The following MAMLD1 variants were observed in gnomAD, a reference collection of about 807,000 sequenced individuals.
MAMLD1 encodes the protein mastermind-like domain-containing protein 1.
A neutral mutation model predicts 45.0 loss-of-function variants in MAMLD1; 14 were observed. The observed-to-expected ratio is 0.31, with a 90% CI of 0.21 to 0.49. MAMLD1 has a LOEUF of 0.49. MAMLD1 is among the 20% of genes least tolerant of loss of function. The pLI, the probability that MAMLD1 is intolerant of heterozygous loss-of-function variation, is 0.99. For missense variants in MAMLD1, 543 were observed against 603.6 expected (o/e 0.90, Z 1.05); for synonymous variants, 254 against 247.8 (o/e 1.02, Z -0.24).
At position 150,513,153 on chromosome X, in the gene MAMLD1, C is replaced by G; in HGVS notation, c.*1194C>G. The G allele has an allele frequency of 4.6e-6, 4 of 861,061 alleles. No individual in the cohort carries two copies. The highest frequency in any genetic ancestry group is 6.4e-6 in the Non-Finnish European group (4 of 628,499). 71.0% of individuals were successfully genotyped at this position (861,061 alleles called of 1,213,427 possible). ...TGTCGATCCATACCCGCAGTTGTCT[C>G]CCGTTACAATTTGAGTGGTGTTGTC... On this transcript the variant is annotated 3_prime_UTR_variant, in exon 8 of 8. Coordinates refer to ENST00000370401, the MANE Select transcript of MAMLD1 (RefSeq NM_005491.5).
chrX:150,381,369 TG>T (rs1459332054), intron 1 of MAMLD1, among the ~76,000 whole-genome samples: 1 of 112,485 alleles, frequency 8.9e-6, no homozygotes, highest in East Asian at 2.8e-4. Context: ...CAGTTATACA[TG>T]CACTTATTTG....
chrX:150,475,557 T>C (rs2036558908), intron 5 of MAMLD1, among the ~76,000 whole-genome samples: 1 of 112,320 alleles, frequency 8.9e-6, no homozygotes, highest in South Asian at 3.7e-4. Context: ...ACCATTCATG[T>C]CCACGTAAGG....
chrX:150,500,917 C>T (rs2037532779), intron 5 of MAMLD1, among the ~76,000 whole-genome samples: 2 of 112,032 alleles, frequency 1.8e-5, no homozygotes, highest in Admixed American at 9.4e-5. Context: ...TTTGTGTTAA[C>T]TGGGGATTGC....
intron 1 of MAMLD1, among the ~76,000 whole-genome samples, chrX:150,438,998 C>T (rs1173730657): frequency 8.9e-6 from 1 of 112,145 alleles, no homozygotes; most frequent in Non-Finnish European, 1.9e-5. Context: ...TTCACCTTCT[C>T]ACCAACACTT....
chrX:150,452,534 T>C (rs1306741327), intron 2 of MAMLD1, among the ~76,000 whole-genome samples: 7 of 111,127 alleles, frequency 6.3e-5, no homozygotes, highest in African/African-American at 2.3e-4. Flanking sequence ...TGTTCAACAA[T>C]GTACAAGACT....
chrX:150,396,611 T>G (rs1184496175), intron 1 of MAMLD1, among the ~76,000 whole-genome samples: 3 of 112,128 alleles, frequency 2.7e-5, no homozygotes, highest in African/African-American at 6.5e-5. Flanking sequence ...GAGATCCATC[T>G]TGGTGAATGT....
chrX:150,384,989 C>T lies in MAMLD1; in HGVS notation c.-64+21459C>T, dbSNP rs144806343. Among the ~76,000 whole-genome samples the T allele has an allele frequency of 5.2e-3, 581 of 110,817 alleles. 2 individuals carry two copies. The highest frequency in any genetic ancestry group is 0.018 in the African/African-American group (562 of 30,491). ...CAAGTTTCAAGGGAACAATGCAGTACTACTAACTATAGTCACCATGCTGTA... is the reference window on the plus strand; with the variant it reads ...CAAGTTTCAAGGGAACAATGCAGTATTACTAACTATAGTCACCATGCTGTA... On this transcript the variant is annotated intron_variant, in intron 1 of 7. Coordinates refer to ENST00000370401, the MANE Select transcript of MAMLD1 (RefSeq NM_005491.5).
intron 1 of MAMLD1, among the ~76,000 whole-genome samples, chrX:150,403,964 G>GAAAGAAAGAAAGAAAGAA (rs2033912589): frequency 2.5e-4 from 21 of 83,743 alleles, no homozygotes; most frequent in East Asian, 3.3e-4. Context: ...AAGAAAGAAA[G>GAAAGAAAGAAAGAAAGAA]AAAGAAAGAA....
chrX:150,460,566 G>C (rs2036003488), intron 2 of MAMLD1, among the ~76,000 whole-genome samples: 1 of 111,932 alleles, frequency 8.9e-6, no homozygotes, highest in African/African-American at 3.2e-5. Flanking sequence ...GCATGGGTCA[G>C]ATCATAAGGG....
At chrX:150,379,525 C>G (rs782518491) in intron 1 of MAMLD1, among the ~76,000 whole-genome samples, 39 of 111,517 alleles carry the variant, frequency 3.5e-4, no homozygotes, top group African/African-American at 1.2e-3. Flanking sequence ...GTCTGCCCCC[C>G]ACCCCTGAAC....
At chrX:150,410,923 T>C (rs1557402804) in intron 1 of MAMLD1, among the ~76,000 whole-genome samples, 1 of 111,744 alleles carries the variant, frequency 8.9e-6, no homozygotes, top group East Asian at 2.8e-4. Flanking sequence ...GAGCCCAGGA[T>C]GGCTTTGGAT....
At chrX:150,462,412 C>T (rs781836963) in intron 2 of MAMLD1, among the ~76,000 whole-genome samples, 9 of 111,817 alleles carry the variant, frequency 8.0e-5, no homozygotes, top group Non-Finnish European at 1.7e-4. Context: ...CAGGATAGTT[C>T]CCTGGAGGTG....
At chrX:150,423,441 A>G (rs1448280382) in intron 1 of MAMLD1, among the ~76,000 whole-genome samples, 1 of 8,358 alleles carries the variant, frequency 1.2e-4, no homozygotes, top group Non-Finnish European at 0.017. Context: ...GGAAAAGACC[A>G]GCTGCTGCCC....
chrX:150,506,018 T>C (rs2037715736), intron 6 of MAMLD1, among the ~76,000 whole-genome samples: 1 of 112,593 alleles, frequency 8.9e-6, no homozygotes, highest in Non-Finnish European at 1.9e-5. Context: ...TGCAGTATAC[T>C]ATCTTCCTGT....
At chrX:150,476,882 G>T (rs1318531308) in intron 5 of MAMLD1, among the ~76,000 whole-genome samples, 1 of 113,313 alleles carries the variant, frequency 8.8e-6, no homozygotes, top group African/African-American at 3.2e-5. Flanking sequence ...CTTTCTGAGG[G>T]GTTGGGCCTA....
At chrX:150,365,682 C>T (rs1284011640) in intron 1 of MAMLD1, among the ~76,000 whole-genome samples, 1 of 113,136 alleles carries the variant, frequency 8.8e-6, no homozygotes, top group Non-Finnish European at 1.9e-5. Flanking sequence ...TCCTGCCACA[C>T]CCTCCGCCCC....
At chrX:150,479,103 G>T (rs1005223491) in intron 5 of MAMLD1, among the ~76,000 whole-genome samples, 1 of 111,583 alleles carries the variant, frequency 9.0e-6, no homozygotes, top group African/African-American at 3.3e-5. Flanking sequence ...GGTTTCTAAG[G>T]GCCATTAGTG....
intron 1 of MAMLD1, among the ~76,000 whole-genome samples, chrX:150,367,855 T>C (rs1161716066): frequency 7.2e-5 from 8 of 111,211 alleles, no homozygotes; most frequent in South Asian, 3.8e-4. Flanking sequence ...TGATGGTTTC[T>C]AGCTTCATCC....
intron 5 of MAMLD1, among the ~76,000 whole-genome samples, chrX:150,496,203 T>C (rs1203047477): frequency 2.7e-5 from 3 of 112,649 alleles, no homozygotes; most frequent in Admixed American, 9.3e-5. Context: ...CTGAGAGAAT[T>C]TGAGGCTGGG....
Sources: gnomAD v4.1 joint callset for allele counts (sites outside exome capture counted in the v4.1 genomes callset) on GRCh38, gnomAD v4.1.1 for gene constraint, MANE v1.5 for transcripts, NCBI Gene and HGNC (gene_info 2026-07-23, HGNC 2026-07-21) for gene names.